USP6NL: variants seen among roughly 807,000 people sequenced by gnomAD.
USP6NL encodes USP6 N-terminal like.
Under a neutral mutation model 61.9 loss-of-function variants are expected in USP6NL, and 26 were observed. The observed-to-expected ratio is 0.42, with a 90% CI of 0.31 to 0.58. USP6NL has a LOEUF of 0.58. Among genes scored for constraint, USP6NL ranks in the 20% least tolerant of loss-of-function variants. USP6NL has a pLI of 0.16. For synonymous variants in USP6NL, 432 were observed against 390.1 expected (o/e 1.11, Z -1.27); for missense variants, 1,114 against 1,034.3 (o/e 1.08, Z -1.06).
intron 4 of USP6NL, among the ~76,000 whole-genome samples, chr10:11,521,379 T>A (rs1266045766): frequency 1.1e-4 from 16 of 139,344 alleles, no homozygotes; most frequent in Admixed American, 1.4e-4. Context: ...ATTTATATAT[T>A]TTTTTTTAAA....
At chr10:11,555,350 C>T (rs1324592797) in intron 2 of USP6NL, among the ~76,000 whole-genome samples, 1 of 140,078 alleles carries the variant, frequency 7.1e-6, no homozygotes, top group African/African-American at 2.7e-5. Flanking sequence ...GGGAAGTGGA[C>T]GTTGCAGTGA....
Position 11,489,972 on chromosome 10 carries a change from T to A in USP6NL, c.544-750A>T, listed in dbSNP as rs1250292077. On this transcript the variant is annotated intron_variant, in intron 9 of 14. Transcript: ENST00000609104. The surrounding 1 kb of genome is among the most constrained non-coding windows in gnomAD (Gnocchi z 5.7). ...CAATCTGGAGAGAGAAACAGTGAAC[T>A]GAACAGTTCACAGAGATCATCTGAG... is the stretch of plus-strand genomic sequence containing the variant. 6.6e-6 allele frequency among the ~76,000 whole-genome samples: 1 copy of A among 152,182 alleles called. No individual in the cohort carries two copies. Among genetic ancestry groups the A allele is most frequent in the Non-Finnish European group, 1.5e-5 (1 of 68,022 alleles).
chr10:11,539,826 G>A (rs979482355), intron 2 of USP6NL, among the ~76,000 whole-genome samples: 1 of 152,218 alleles, frequency 6.6e-6, no homozygotes, highest in Non-Finnish European at 1.5e-5. Context: ...ACACTGTGCT[G>A]AGCATTTAAC....
At chr10:11,604,414 G>A (rs1364837685) in intron 1 of USP6NL, among the ~76,000 whole-genome samples, 4 of 152,168 alleles carry the variant, frequency 2.6e-5, no homozygotes, top group Non-Finnish European at 4.4e-5. Flanking sequence ...TAATGGGGCA[G>A]ATCCAACTAT....
At chr10:11,523,444 A>T (rs1049296569) in intron 4 of USP6NL, among the ~76,000 whole-genome samples, 4 of 152,170 alleles carry the variant, frequency 2.6e-5, no homozygotes, top group African/African-American at 4.8e-5. Flanking sequence ...TACCTTTCAG[A>T]TTTGTGAATG....
chr10:11,489,330 T>C lies in USP6NL; in HGVS notation c.544-108A>G, dbSNP rs965852695. The C allele has an allele frequency of 3.6e-6, 5 of 1,397,338 alleles. No homozygotes were observed. Among genetic ancestry groups the C allele is most frequent in the Non-Finnish European group, 4.9e-6 (5 of 1,030,382 alleles). The allele number at this position is 1,397,338 out of a possible 1,614,324, so 86.6% of individuals were successfully genotyped here. A position where few individuals can be genotyped will look rare whatever the true frequency, so the allele number is the denominator to read the frequency against. Reference sequence around the variant, plus strand: ...AACCAGAAAATGCCTACACACATCATTTAATGGTCCATTCTAGAGACAAAT... The same window carrying C: ...AACCAGAAAATGCCTACACACATCACTTAATGGTCCATTCTAGAGACAAAT... On this transcript the variant is annotated intron_variant, in intron 9 of 14. Transcript: ENST00000609104. The surrounding 1 kb of genome is among the most constrained non-coding windows in gnomAD (Gnocchi z 5.7).
chr10:11,500,859 G>T (rs1217259773), intron 7 of USP6NL, among the ~76,000 whole-genome samples: 1 of 152,126 alleles, frequency 6.6e-6, no homozygotes, highest in Non-Finnish European at 1.5e-5. Flanking sequence ...GATCATTTAT[G>T]TATTTGAAAA....
chr10:11,583,727 T>A (rs1330579738), intron 2 of USP6NL, among the ~76,000 whole-genome samples: 1 of 152,172 alleles, frequency 6.6e-6, no homozygotes, highest in Admixed American at 6.5e-5. Context: ...CATTATTAGT[T>A]TTTAAAAAAT....
chr10:11,519,384 C>G (rs1379233877), intron 4 of USP6NL, among the ~76,000 whole-genome samples: 2 of 152,230 alleles, frequency 1.3e-5, no homozygotes, highest in Non-Finnish European at 2.9e-5. Context: ...AATCCCAACA[C>G]TTTGGGAGGC....
In USP6NL at chr10:11,585,676, T is replaced by A. The variant is rs1041849327; in HGVS notation, c.4+11955A>T. Among the ~76,000 whole-genome samples the A allele has an allele frequency of 6.6e-6, 1 of 151,722 alleles. No homozygotes were observed. The highest frequency in any genetic ancestry group is 3.2e-3 in the Middle Eastern group (1 of 316). The stretch of plus-strand genomic sequence containing the variant: ...AGACTCCATCTCAAAAATAAATAAA[T>A]TAAATTAAATTGAATAAAAATTTAA... On this transcript the variant is annotated intron_variant, in intron 2 of 14. Coordinates refer to ENST00000609104, the MANE Select transcript of USP6NL (RefSeq NM_014688.5). This position sits in a 1 kb window ranked among gnomAD's most constrained non-coding sequence, Gnocchi z 4.5.
At chr10:11,593,847 C>T (rs1341691478) in intron 2 of USP6NL, among the ~76,000 whole-genome samples, 2 of 152,200 alleles carry the variant, frequency 1.3e-5, no homozygotes, top group African/African-American at 4.8e-5. Flanking sequence ...CTCTAAACAG[C>T]TTCTTCAGTT....
intron 6 of USP6NL, among the ~76,000 whole-genome samples, chr10:11,507,128 A>G (rs917398184): frequency 2.6e-5 from 4 of 152,244 alleles, no homozygotes; most frequent in African/African-American, 9.6e-5. Flanking sequence ...TCAGAATAAT[A>G]GCCCAGTAGA....
rs1376017550 is a variant in USP6NL at position 11,487,773 on chromosome 10, G to T, written c.664+1329C>A. On this transcript the variant is annotated intron_variant, in intron 10 of 14. Coordinates refer to ENST00000609104, the MANE Select transcript of USP6NL (RefSeq NM_014688.5). This position sits in a 1 kb window ranked among gnomAD's most constrained non-coding sequence, Gnocchi z 4.2. The stretch of plus-strand genomic sequence containing the variant: ...TAAGTAATTGGCAAGAAACACTAAG[G>T]GAGAAAGACAAATGCAAACACATAC... Among the ~76,000 whole-genome samples, 1 of 151,984 alleles carries T rather than the reference G, an allele frequency of 6.6e-6. No homozygotes were observed. Among genetic ancestry groups the T allele is most frequent in the African/African-American group, 2.4e-5 (1 of 41,346 alleles).
chr10:11,583,357 T>A (rs1010481096), intron 2 of USP6NL, among the ~76,000 whole-genome samples: 4 of 151,352 alleles, frequency 2.6e-5, no homozygotes, highest in Non-Finnish European at 5.9e-5. Flanking sequence ...CCGGCTAAAT[T>A]TTTTTTTGTA....
At chr10:11,581,296 T>G (rs1294851859) in intron 2 of USP6NL, among the ~76,000 whole-genome samples, 9 of 152,268 alleles carry the variant, frequency 5.9e-5, no homozygotes, top group Admixed American at 5.9e-4. Flanking sequence ...GAGGTACTAT[T>G]ATGCATATTC....
At chr10:11,603,957 C>G (rs1838633440) in intron 1 of USP6NL, among the ~76,000 whole-genome samples, 1 of 152,116 alleles carries the variant, frequency 6.6e-6, no homozygotes, top group African/African-American at 2.4e-5. Flanking sequence ...ATAAGCCTTG[C>G]AGGGAAATCA....
chr10:11,547,309 T>C (rs1461549262), intron 2 of USP6NL, among the ~76,000 whole-genome samples: 2 of 152,210 alleles, frequency 1.3e-5, no homozygotes, highest in African/African-American at 2.4e-5. Context: ...AACAACCCTA[T>C]GGTGTAGTCA....
intron 14 of USP6NL, among the ~76,000 whole-genome samples, chr10:11,475,043 A>C (rs1490261697): frequency 1.3e-5 from 2 of 152,196 alleles, no homozygotes; most frequent in African/African-American, 4.8e-5. Flanking sequence ...ATAAACTATA[A>C]ATCTGGCTAA....
intron 2 of USP6NL, among the ~76,000 whole-genome samples, chr10:11,566,155 G>A (rs148023452): frequency 7.2e-4 from 110 of 152,290 alleles, no homozygotes; most frequent in African/African-American, 2.5e-3. Context: ...GATGAAGGAG[G>A]CTGTACTTCA....
Sources: gnomAD v4.1 joint callset for allele counts (sites outside exome capture counted in the v4.1 genomes callset) on GRCh38, gnomAD v4.1.1 for gene constraint, Gnocchi (gnomAD v3.1) non-coding constraint, MANE v1.5 for transcripts, NCBI Gene and HGNC (gene_info 2026-07-23, HGNC 2026-07-21) for gene names.